MYRFL: variants seen among roughly 807,000 people sequenced by gnomAD.
The protein encoded by MYRFL is myelin regulatory factor like, also known as myelin regulatory factor-like protein.
A neutral mutation model predicts 109.4 loss-of-function variants in MYRFL; 88 were observed. The ratio of observed to expected loss-of-function variants is 0.80; its 90% CI spans 0.68 to 0.96. The LOEUF is 0.96. Among genes scored for constraint, MYRFL ranks in the 40% least tolerant of loss-of-function variants. The pLI, the probability that MYRFL is intolerant of heterozygous loss-of-function variation, is 0.00. For missense variants in MYRFL, 957 were observed against 954.9 expected, an observed-to-expected ratio of 1.00 and a Z score of -0.03; for synonymous variants, 324 against 320.9, an observed-to-expected ratio of 1.01 and a Z score of -0.10.
intron 5 of MYRFL, among the ~76,000 whole-genome samples, chr12:69,885,004 A>G (rs185436045): frequency 6.6e-6 from 1 of 152,198 alleles, no homozygotes; most frequent in Non-Finnish European, 1.5e-5. Context: ...CAAGCTCTTG[A>G]CCCTTTCTTC....
At chr12:69,880,951 GTTTTTT>G (rs71094746) in intron 5 of MYRFL, among the ~76,000 whole-genome samples, 2 of 112,626 alleles carry the variant, frequency 1.8e-5, no homozygotes, top group Non-Finnish European at 3.6e-5. Flanking sequence ...CAGCCTTCCT[GTTTTTT>G]TTTTTTTTTT....
chr12:69,899,988 C>G (rs1470003910), intron 10 of MYRFL, among the ~76,000 whole-genome samples: 1 of 152,162 alleles, frequency 6.6e-6, no homozygotes, highest in Admixed American at 6.5e-5. Context: ...CCCCACTTTC[C>G]TTCTAAAATA....
rs139322425 is a variant in MYRFL at position 69,855,791 on chromosome 12, T to C, written c.137+421T>C. ...TGATGTCAGTAACTTGTCTTTTTTT[T>C]TTTCTTGGTTAATCTGACATGAAGT... is the stretch of plus-strand genomic sequence containing the variant. On this transcript the variant is annotated intron_variant, in intron 2 of 24. Coordinates refer to ENST00000552032, the MANE Select transcript of MYRFL (RefSeq NM_182530.3). Among the ~76,000 whole-genome samples, 726 of 152,296 alleles carry C rather than the reference T, an allele frequency of 4.8e-3. 8 individuals carry two copies. The highest frequency in any genetic ancestry group is 0.016 in the African/African-American group (677 of 41,576).
At chr12:69,874,988 T>TTTA (rs1565986810) in intron 2 of MYRFL, among the ~76,000 whole-genome samples, 1 of 150,586 alleles carries the variant, frequency 6.6e-6, no homozygotes, top group African/African-American at 2.4e-5. Flanking sequence ...TGTATATATC[T>TTTA]AAGATATATA....
chr12:69,843,932 T>A (rs2136317638), intron 1 of MYRFL, among the ~76,000 whole-genome samples: 1 of 152,320 alleles, frequency 6.6e-6, no homozygotes, highest in South Asian at 2.1e-4. Context: ...GATTTCAAAC[T>A]GAGCCTCCCT....
chr12:69,877,095 C>A (rs1390738537), intron 2 of MYRFL, among the ~76,000 whole-genome samples: 1 of 149,292 alleles, frequency 6.7e-6, no homozygotes, highest in Non-Finnish European at 1.5e-5. Flanking sequence ...GCGATCTTGG[C>A]TCACTGCAAG....
At chr12:69,853,074 A>G (rs1325548514) in intron 1 of MYRFL, among the ~76,000 whole-genome samples, 1 of 152,188 alleles carries the variant, frequency 6.6e-6, no homozygotes, top group East Asian at 1.9e-4. Flanking sequence ...CATCGTCATC[A>G]TGGCCCGTTC....
At chr12:69,832,406 T>A (rs1476360642) in intron 1 of MYRFL, among the ~76,000 whole-genome samples, 1 of 152,202 alleles carries the variant, frequency 6.6e-6, no homozygotes, top group Non-Finnish European at 1.5e-5. Flanking sequence ...TTATAGTGGC[T>A]TCTTCTCTAG....
At chr12:69,892,046 T>C (rs1028115499) in intron 7 of MYRFL, among the ~76,000 whole-genome samples, 2 of 152,196 alleles carry the variant, frequency 1.3e-5, no homozygotes, top group Non-Finnish European at 2.9e-5. Flanking sequence ...TTTTATAGTT[T>C]TCAGTGAATA....
chr12:69,842,842 A>G (rs116650873), intron 1 of MYRFL, among the ~76,000 whole-genome samples: 1,972 of 152,348 alleles, frequency 0.013, 36 homozygotes, highest in African/African-American at 0.045. Context: ...AGGCTTCCAT[A>G]GTATCCAAGC....
intron 19 of MYRFL, among the ~76,000 whole-genome samples, chr12:69,940,407 T>G: frequency 6.7e-6 from 1 of 150,270 alleles, no homozygotes. Context: ...TCAACATTCT[T>G]AAAGAAAATA....
intron 19 of MYRFL, among the ~76,000 whole-genome samples, chr12:69,942,246 A>G (rs2120510503): frequency 1.4e-5 from 2 of 141,994 alleles, no homozygotes. Flanking sequence ...AGAGAATTTT[A>G]GACCAATATC....
At chr12:69,891,605 C>CTTTCTTTCCTCCTTCCTTTCTTTT (rs1555249258) in intron 7 of MYRFL, among the ~76,000 whole-genome samples, 213 of 52,592 alleles carry the variant, frequency 4.1e-3, no homozygotes, top group Non-Finnish European at 6.1e-3. Context: ...TTCTTTCTTT[C>CTTTCTTTCCTCCTTCCTTTCTTTT]TCTTTCTTTC....
At chr12:69,868,869 C>G (rs1354784964) in intron 2 of MYRFL, among the ~76,000 whole-genome samples, 1 of 152,028 alleles carries the variant, frequency 6.6e-6, no homozygotes, top group African/African-American at 2.4e-5. Flanking sequence ...TGCACACACA[C>G]GCGCACACAC....
chr12:69,916,536 T>C (rs1954734217), intron 13 of MYRFL, among the ~76,000 whole-genome samples: 1 of 152,206 alleles, frequency 6.6e-6, no homozygotes. Flanking sequence ...ATTCTCTTTA[T>C]TCTTTCCATT....
At chr12:69,925,108 G>C (rs557739526) in intron 13 of MYRFL, among the ~76,000 whole-genome samples, 210 of 152,344 alleles carry the variant, frequency 1.4e-3, no homozygotes, top group African/African-American at 4.6e-3. Context: ...ACACTGTAGA[G>C]TGAGGGATGC....
chr12:69,862,395 T>TC (rs1388138139), intron 2 of MYRFL, among the ~76,000 whole-genome samples: 4 of 152,204 alleles, frequency 2.6e-5, no homozygotes, highest in Non-Finnish European at 2.9e-5. Flanking sequence ...GAAATGTTCT[T>TC]CCATTTGTTT....
chr12:69,948,305 A>T (rs914664215), intron 19 of MYRFL, among the ~76,000 whole-genome samples: 1 of 152,190 alleles, frequency 6.6e-6, no homozygotes, highest in Non-Finnish European at 1.5e-5. Flanking sequence ...CTGCAAGATT[A>T]TCTTTCCTCA....
chr12:69,877,959 C>G (rs1318909792), intron 2 of MYRFL, among the ~76,000 whole-genome samples: 1 of 152,014 alleles, frequency 6.6e-6, no homozygotes, highest in Non-Finnish European at 1.5e-5. Context: ...TAAAATTTTA[C>G]TGGCTGGGTG....
Sources: allele counts gnomAD v4.1 joint callset (sites outside exome capture counted in the v4.1 genomes callset), GRCh38; gene constraint gnomAD v4.1.1; transcripts MANE v1.5; gene names NCBI Gene and HGNC (gene_info 2026-07-23, HGNC 2026-07-21).